The following TSG101 variants were observed in gnomAD, a reference collection of about 807,000 sequenced individuals.
TSG101 encodes the protein tumor susceptibility 101.
A neutral mutation model predicts 48.5 loss-of-function variants in TSG101; 19 were observed. The ratio of observed to expected loss-of-function variants is 0.39; its 90% CI spans 0.27 to 0.58. TSG101 has a LOEUF of 0.58. Among genes scored for constraint, TSG101 ranks in the 20% least tolerant of loss-of-function variants. The pLI is 0.55. For synonymous variants in TSG101, 174 were observed against 169.4 expected, an observed-to-expected ratio of 1.03 and a Z score of -0.21; for missense variants, 365 against 484.4, an observed-to-expected ratio of 0.75 and a Z score of 2.31.
intron 7 of TSG101, among the ~76,000 whole-genome samples, chr11:18,494,363 C>A (rs192606103): frequency 6.6e-6 from 1 of 152,194 alleles, no homozygotes; most frequent in Admixed American, 6.5e-5. Flanking sequence ...TGTGAAAAGA[C>A]TAATTTAAGA....
chr11:18,487,676 T>C (rs1849639578), intron 7 of TSG101, among the ~76,000 whole-genome samples: 1 of 152,120 alleles, frequency 6.6e-6, no homozygotes, highest in African/African-American at 2.4e-5. Context: ...TCCCACCTAT[T>C]TGCTATTGCA....
chr11:18,482,200 A>G (rs1849551357), intron 8 of TSG101, among the ~76,000 whole-genome samples: 1 of 152,210 alleles, frequency 6.6e-6, no homozygotes, highest in South Asian at 2.1e-4. Flanking sequence ...ATAGAAAATC[A>G]TAAGAGGTTT....
intron 7 of TSG101, among the ~76,000 whole-genome samples, chr11:18,495,868 G>A (rs565541016): frequency 6.6e-6 from 1 of 151,316 alleles, no homozygotes; most frequent in South Asian, 2.1e-4. Flanking sequence ...AGCTTGCAGT[G>A]AGCTGAGATT....
intron 7 of TSG101, among the ~76,000 whole-genome samples, chr11:18,492,587 A>C (rs1365596025): frequency 1.3e-5 from 2 of 152,162 alleles, no homozygotes; most frequent in Non-Finnish European, 2.9e-5. Context: ...AAGACTTTCC[A>C]GCCAAAGTCA....
At chr11:18,490,563 T>C (rs1849683749) in intron 7 of TSG101, 2 of 484,806 alleles carry the variant, frequency 4.1e-6, no homozygotes, top group African/African-American at 2.0e-5. Flanking sequence ...TTGTTTGTTG[T>C]CTCCAGATGC....
At chr11:18,500,623 T>C (rs926891508) in intron 7 of TSG101, among the ~76,000 whole-genome samples, 5 of 152,222 alleles carry the variant, frequency 3.3e-5, no homozygotes, top group African/African-American at 4.8e-5. Flanking sequence ...GCCATTTGTA[T>C]GTCTTCCTTT....
intron 7 of TSG101, among the ~76,000 whole-genome samples, chr11:18,488,975 C>T (rs1205531673): frequency 1.3e-5 from 2 of 151,742 alleles, no homozygotes; most frequent in Non-Finnish European, 2.9e-5. Context: ...ATTAGCTGGG[C>T]GTGGTGGTGC....
At chr11:18,483,624 G>A (rs12787005) in intron 8 of TSG101, among the ~76,000 whole-genome samples, 8 of 152,126 alleles carry the variant, frequency 5.3e-5, no homozygotes, top group South Asian at 2.1e-4. Context: ...TATCAGCAGT[G>A]TGAAAACGAA....
intron 7 of TSG101, among the ~76,000 whole-genome samples, chr11:18,497,766 T>C (rs909394311): frequency 6.6e-6 from 1 of 152,196 alleles, no homozygotes; most frequent in Non-Finnish European, 1.5e-5. Context: ...AGACCTTTTA[T>C]CATTTAGGTT....
intron 4 of TSG101, among the ~76,000 whole-genome samples, chr11:18,513,159 T>G (rs1394883265): frequency 6.6e-6 from 1 of 152,128 alleles, no homozygotes; most frequent in Non-Finnish European, 1.5e-5. Context: ...TGAACTCCAA[T>G]TGCCTCCTCA....
intron 7 of TSG101, among the ~76,000 whole-genome samples, chr11:18,489,403 A>G (rs116091566): frequency 0.015 from 2,314 of 152,200 alleles, 68 homozygotes; most frequent in African/African-American, 0.053. Context: ...CCTGACTCAG[A>G]AGATTATTCT....
In TSG101 at chr11:18,521,492, C is replaced by T. The variant is rs563985497; in HGVS notation, c.43-1889G>A. 6.8e-4 allele frequency among the ~76,000 whole-genome samples: 102 copies of T among 150,854 alleles called. 2 individuals are homozygous for T. The South Asian group carries it at 0.02, about 30-fold the overall frequency. On this transcript the variant is annotated intron_variant, in intron 1 of 9. Transcript: ENST00000251968. Reference sequence around the variant, plus strand: ...CAAGTGATACTCCCACCACCGCCTCCCAAGTAGCTGGGACTACAGGCATGC... The same window carrying T: ...CAAGTGATACTCCCACCACCGCCTCTCAAGTAGCTGGGACTACAGGCATGC...
At chr11:18,526,282 G>T (rs542394458) in intron 1 of TSG101, among the ~76,000 whole-genome samples, 10 of 152,326 alleles carry the variant, frequency 6.6e-5, no homozygotes, top group African/African-American at 2.4e-4. Flanking sequence ...ACCTGGGGCA[G>T]TAAGGGACTG....
chr11:18,498,574 G>A (rs1385389964), intron 7 of TSG101, among the ~76,000 whole-genome samples: 1 of 152,142 alleles, frequency 6.6e-6, no homozygotes, highest in East Asian at 1.9e-4. Flanking sequence ...CAGGTGTTAG[G>A]AAGATTGAGA....
chr11:18,502,965 C>A (rs1849912818), intron 6 of TSG101, among the ~76,000 whole-genome samples: 3 of 152,174 alleles, frequency 2.0e-5, no homozygotes, highest in African/African-American at 7.2e-5. Flanking sequence ...TATTGGTAAC[C>A]TTTGGGGATA....
intron 1 of TSG101, among the ~76,000 whole-genome samples, chr11:18,521,357 TCC>T (rs1338047010): frequency 6.9e-6 from 1 of 145,384 alleles, no homozygotes; most frequent in East Asian, 2.1e-4. Flanking sequence ...CCAAACTGAT[TCC>T]TTTTTTTTTT....
At chr11:18,486,962 T>C (rs1176721100) in intron 7 of TSG101, among the ~76,000 whole-genome samples, 1 of 151,844 alleles carries the variant, frequency 6.6e-6, no homozygotes, top group African/African-American at 2.4e-5. Flanking sequence ...GTTCATGTCC[T>C]TTGTAGGGAC....
In TSG101 at chr11:18,526,870, G is replaced by A. The variant is rs554362451; in HGVS notation, c.-54C>T. On this transcript the variant is annotated 5_prime_UTR_variant, in exon 1 of 10. Transcript: ENST00000251968. Reference sequence around the variant, plus strand: ...CAGGCAGAGGGTCAGCCGCTGCTGGGCTGCCCCAGACCGTCCCACACAATC... The same window carrying A: ...CAGGCAGAGGGTCAGCCGCTGCTGGACTGCCCCAGACCGTCCCACACAATC... The A allele has an allele frequency of 5.3e-4, 831 of 1,576,256 alleles. 1 individual carries two copies. Among genetic ancestry groups the A allele is most frequent in the Middle Eastern group, 4.0e-3 (24 of 6,018 alleles).
intron 3 of TSG101, among the ~76,000 whole-genome samples, chr11:18,515,106 T>C (rs1410638815): frequency 6.6e-6 from 1 of 152,214 alleles, no homozygotes; most frequent in Non-Finnish European, 1.5e-5. Context: ...TTATTATGAA[T>C]GGTTGACTTA....
Sources: allele counts gnomAD v4.1 joint callset (sites outside exome capture counted in the v4.1 genomes callset), GRCh38; gene constraint gnomAD v4.1.1; transcripts MANE v1.5; gene names NCBI Gene and HGNC (gene_info 2026-07-23, HGNC 2026-07-21).